The following RP1 variants were observed in gnomAD, a reference collection of about 807,000 sequenced individuals.
RP1 encodes oxygen-regulated protein 1.
In RP1, 16 loss-of-function variants were observed where a neutral mutation model predicts 14.8. The ratio of observed to expected loss-of-function variants is 1.08; its 90% CI spans 0.73 to 1.65. RP1 has a LOEUF of 1.65. Ranked by LOEUF, RP1 falls within the 40% of genes most tolerant of loss-of-function variation. The probability of loss-of-function intolerance (pLI) is 0.00; values close to 1 mark genes in which losing one functional copy is unlikely to be tolerated. For synonymous variants in RP1, 876 were observed against 883.6 expected (o/e 0.99, Z 0.15); for missense variants, 2,631 against 2,535.0 (o/e 1.04, Z -0.81).
intron 24 of RP1, among the ~76,000 whole-genome samples, chr8:54,812,875 A>G (rs1390148534): frequency 6.6e-6 from 1 of 151,892 alleles, no homozygotes; most frequent in South Asian, 2.1e-4. Flanking sequence ...TATTCTTGAG[A>G]CTCCTCTGAA....
At chr8:54,601,432 G>C (rs992704587) in intron 1 of RP1, among the ~76,000 whole-genome samples, 1 of 147,690 alleles carries the variant, frequency 6.8e-6, no homozygotes, top group African/African-American at 2.5e-5. Context: ...TGGGGTTGGG[G>C]GAGGGGGGAG....
At chr8:54,658,158 A>G (rs1374274715) in intron 6 of RP1, among the ~76,000 whole-genome samples, 1 of 152,242 alleles carries the variant, frequency 6.6e-6, no homozygotes, top group Non-Finnish European at 1.5e-5. Flanking sequence ...TAGATACATC[A>G]TATGAGTGTA....
At chr8:54,595,824 A>G (rs147749919) in intron 1 of RP1, among the ~76,000 whole-genome samples, 106 of 152,344 alleles carry the variant, frequency 7.0e-4, no homozygotes, top group African/African-American at 2.5e-3. Flanking sequence ...TCCTTTTATT[A>G]TAAAAGAAAA....
chr8:54,792,443 G>A (rs921750901), intron 24 of RP1, among the ~76,000 whole-genome samples: 1 of 151,846 alleles, frequency 6.6e-6, no homozygotes, highest in Non-Finnish European at 1.5e-5. Flanking sequence ...ATCCAGGATA[G>A]ATCATATGTT....
chr8:54,759,670 C>A (rs1254331507), intron 22 of RP1, among the ~76,000 whole-genome samples: 1 of 152,144 alleles, frequency 6.6e-6, no homozygotes, highest in African/African-American at 2.4e-5. Flanking sequence ...AAGAAAGTGT[C>A]ACCTGTTTTT....
chr8:54,560,214 G>C (rs924294746), intron 1 of RP1: 1 of 152,110 alleles, frequency 6.6e-6, no homozygotes, highest in African/African-American at 2.4e-5. Context: ...CCATCCCCCA[G>C]GAGTTTTGGG....
Position 54,678,585 on chromosome 8 carries a change from C to T in RP1, c.1478+49C>T, listed in dbSNP as rs967201813. Reference sequence around the variant, plus strand: ...GAAAAAATCCATTTCATGTTAGTTCCAAGTTTGTGCATTGAGAACTGGGTA... The same window carrying T: ...GAAAAAATCCATTTCATGTTAGTTCTAAGTTTGTGCATTGAGAACTGGGTA... On this transcript the variant is annotated intron_variant, in intron 9 of 22. Coordinates refer to the RP1 transcript ENST00000636932. 8 of 1,436,338 alleles carry T rather than the reference C, an allele frequency of 5.6e-6. No homozygotes were observed. The Admixed American group carries it at 1.4e-4, about 26-fold the overall frequency. 89.0% of individuals were successfully genotyped at this position (1,436,338 alleles called of 1,614,324 possible).
chr8:54,857,494 A>G (rs961863701), intron 27 of RP1, among the ~76,000 whole-genome samples: 2 of 151,258 alleles, frequency 1.3e-5, no homozygotes, highest in Non-Finnish European at 2.9e-5. Context: ...TTATTGACTG[A>G]ATATATTAAA....
intron 2 of RP1, among the ~76,000 whole-genome samples, 175 bp from the exon 3 acceptor site, chr8:54,621,942 C>T (rs1356095097): frequency 2.0e-5 from 3 of 152,304 alleles, no homozygotes; most frequent in African/African-American, 7.2e-5. Flanking sequence ...CCCCACCCAA[C>T]CTTGACATTT....
At chr8:54,853,348 C>CAG (rs142324804) in intron 26 of RP1, among the ~76,000 whole-genome samples, 249 of 150,660 alleles carry the variant, frequency 1.7e-3, no homozygotes, top group African/African-American at 4.6e-3. Context: ...TGAAGGAAGG[C>CAG]AGAGAGAGAG....
At chr8:54,599,617 C>T (rs1805228937) in intron 1 of RP1, among the ~76,000 whole-genome samples, 1 of 152,048 alleles carries the variant, frequency 6.6e-6, no homozygotes, top group African/African-American at 2.4e-5. Flanking sequence ...CCATGCCTGG[C>T]TAATTTTTGT....
In RP1 at chr8:54,638,068, T is replaced by C. The variant is rs147479908; in HGVS notation, c.788-10917T>C. 1.8e-4 allele frequency among the ~76,000 whole-genome samples: 27 copies of C among 152,288 alleles called. 1 individual carries two copies. In the East Asian group the frequency reaches 5.2e-3, roughly 29 times the overall value. ...CAGCAACATCCTGGGAATCTCCTTT[T>C]CCTCTCTATATTGAATGTCTTGTTT... On this transcript the variant is annotated intron_variant, in intron 3 of 22. Coordinates refer to the RP1 transcript ENST00000636932.
chr8:54,621,398 C>G lies in RP1; in HGVS notation c.432C>G (p.Val144=), dbSNP rs777144010. The G allele has an allele frequency of 6.2e-7, 1 of 1,612,996 alleles. No homozygotes were observed. Among genetic ancestry groups the G allele is most frequent in the Non-Finnish European group, 8.5e-7 (1 of 1,179,898 alleles). The change falls in exon 2 of 4, where the codon GTC becomes GTG. Residue 144 remains valine (V), a synonymous_variant. Transcript: ENST00000220676. Reference sequence around the variant, plus strand: ...ACTCACCGCCCCACCCCGTAGCCGTCGCTGCTCCCGGCATGCCCCGCCCCC... The same window carrying G: ...ACTCACCGCCCCACCCCGTAGCCGTGGCTGCTCCCGGCATGCCCCGCCCCC... ...SAHSPPHPVA[V]AAPGMPRPPR...
chr8:54,583,766 AG>A (rs1396756905), intron 1 of RP1, among the ~76,000 whole-genome samples: 2 of 152,136 alleles, frequency 1.3e-5, no homozygotes, highest in Non-Finnish European at 2.9e-5. Context: ...CATTTCTTCT[AG>A]ATTTTCTAGT....
At chr8:54,577,604 T>A (rs1804690574) in intron 1 of RP1, among the ~76,000 whole-genome samples, 1 of 152,220 alleles carries the variant, frequency 6.6e-6, no homozygotes, top group South Asian at 2.1e-4. Context: ...GTGAATTACT[T>A]ATGAATAATA....
At chr8:54,805,425 C>A (rs1810824514) in intron 24 of RP1, among the ~76,000 whole-genome samples, 1 of 152,066 alleles carries the variant, frequency 6.6e-6, no homozygotes, top group African/African-American at 2.4e-5. Flanking sequence ...CTCAACTTGT[C>A]CACAGAAATA....
chr8:54,845,802 G>A (rs1314747906), intron 25 of RP1, among the ~76,000 whole-genome samples: 2 of 152,160 alleles, frequency 1.3e-5, no homozygotes, highest in Non-Finnish European at 2.9e-5. Flanking sequence ...CTGCTCCTTT[G>A]CTTCTGGGGC....
intron 19 of RP1, among the ~76,000 whole-genome samples, chr8:54,739,489 C>A (rs182239494): frequency 2.6e-5 from 4 of 151,372 alleles, no homozygotes; most frequent in African/African-American, 7.3e-5. Flanking sequence ...TTCATTCTTG[C>A]GAAAGGTTTT....
chr8:54,699,815 A>C (rs1056586608), intron 13 of RP1, among the ~76,000 whole-genome samples: 1 of 152,192 alleles, frequency 6.6e-6, no homozygotes, highest in Non-Finnish European at 1.5e-5. Context: ...ATGAGCTTTC[A>C]AAAGAAGACT....
Sources: allele counts gnomAD v4.1 joint callset (sites outside exome capture counted in the v4.1 genomes callset), GRCh38; gene constraint gnomAD v4.1.1; transcripts MANE v1.5; gene names NCBI Gene and HGNC (gene_info 2026-07-23, HGNC 2026-07-21).